Variants in CERT1 observed in about 807,000 individuals in gnomAD.
The protein encoded by CERT1 is ceramide transfer protein.
Under a neutral mutation model 87.9 loss-of-function variants are expected in CERT1, and 31 were observed. That is an observed-to-expected ratio of 0.35 (90% CI 0.27 to 0.48). The LOEUF (loss-of-function observed/expected upper bound fraction) is 0.48, where lower values mean the gene tolerates loss of function less well. CERT1 is among the 20% of genes least tolerant of loss of function. The pLI, the probability that CERT1 is intolerant of heterozygous loss-of-function variation, is 0.99. For missense variants in CERT1, 487 were observed against 758.0 expected (o/e 0.64, Z 4.20); for synonymous variants, 289 against 250.9 (o/e 1.15, Z -1.44).
At chr5:75,478,923 A>G (rs1323830528) in intron 2 of CERT1, among the ~76,000 whole-genome samples, 1 of 148,952 alleles carries the variant, frequency 6.7e-6, no homozygotes, top group Non-Finnish European at 1.5e-5. Flanking sequence ...AAAAAAAAAA[A>G]AAAAAAAAAA....
At chr5:75,440,880 T>G (rs1764293944) in intron 3 of CERT1, among the ~76,000 whole-genome samples, 1 of 152,262 alleles carries the variant, frequency 6.6e-6, no homozygotes. Context: ...CACTTGTAAT[T>G]CAGGGCTTTT....
intron 11 of CERT1, among the ~76,000 whole-genome samples, chr5:75,396,739 AAAAAAAC>A (rs1762271033): frequency 1.3e-5 from 2 of 151,642 alleles, no homozygotes; most frequent in Non-Finnish European, 2.9e-5. Context: ...CAAAAAAAAA[AAAAAAAC>A]AAAAAACAGA....
In CERT1 at chr5:75,511,320, T is replaced by G; in HGVS notation, c.-113A>C. ...GGATGGCGAAGCGAAGAGTGCCCGCTCCGGTGTGGGGGGGAGCAGGAGGAG... is the reference window on the plus strand; with the variant it reads ...GGATGGCGAAGCGAAGAGTGCCCGCGCCGGTGTGGGGGGGAGCAGGAGGAG... On this transcript the variant is annotated 5_prime_UTR_variant, in exon 1 of 17. Coordinates refer to ENST00000643780, the MANE Select transcript of CERT1 (RefSeq NM_001379029.1). 6.5e-7 allele frequency: 1 copy of G among 1,548,398 alleles called. No homozygotes were observed.
intron 3 of CERT1, among the ~76,000 whole-genome samples, chr5:75,428,677 C>CAA (rs758851060): frequency 0.023 from 2,222 of 98,200 alleles, 56 homozygotes; most frequent in African/African-American, 0.073. Flanking sequence ...GACTCTGTCT[C>CAA]AAAAAAAAAA....
chr5:75,380,264 A>G (rs1317917230), intron 16 of CERT1, among the ~76,000 whole-genome samples: 1 of 152,208 alleles, frequency 6.6e-6, no homozygotes, highest in Admixed American at 6.5e-5. Context: ...GTAACTAGCA[A>G]CTAATAAGGA....
At chr5:75,426,557 C>G (rs1036039801) in intron 3 of CERT1, 79 bp from the exon 4 acceptor site, 12 of 1,017,178 alleles carry the variant, frequency 1.2e-5, no homozygotes, top group South Asian at 2.9e-5. Context: ...TATGAATTAA[C>G]AAGGTTATTA....
chr5:75,369,988 T>C (rs1761026960), intron 17 of CERT1: 1 of 152,186 alleles, frequency 6.6e-6, no homozygotes, highest in Non-Finnish European at 1.5e-5. Flanking sequence ...GAAGATCCTA[T>C]AAAAGCAACC....
intron 11 of CERT1, among the ~76,000 whole-genome samples, chr5:75,390,655 A>T (rs1761992016): frequency 6.6e-6 from 1 of 152,230 alleles, no homozygotes; most frequent in African/African-American, 2.4e-5. Flanking sequence ...TAAATACATT[A>T]GAAGACAGAA....
chr5:75,510,596 C>T (rs1031279377), intron 1 of CERT1, among the ~76,000 whole-genome samples: 15 of 152,164 alleles, frequency 9.9e-5, no homozygotes, highest in Admixed American at 2.0e-4. Flanking sequence ...AAGTCCTCCA[C>T]ATTCATCTGT....
chr5:75,509,818 T>C (rs1479207988), intron 1 of CERT1, among the ~76,000 whole-genome samples: 1 of 152,198 alleles, frequency 6.6e-6, no homozygotes, highest in Non-Finnish European at 1.5e-5. Context: ...CTACACAATG[T>C]GTTCAATAGA....
chr5:75,504,280 A>G (rs1259649339), intron 2 of CERT1, among the ~76,000 whole-genome samples: 8 of 152,116 alleles, frequency 5.3e-5, no homozygotes, highest in African/African-American at 1.7e-4. Context: ...TACAATTTCT[A>G]AACACATTAC....
At chr5:75,391,941 GA>G (rs555156238) in intron 11 of CERT1, among the ~76,000 whole-genome samples, 14 of 152,270 alleles carry the variant, frequency 9.2e-5, no homozygotes, top group Middle Eastern at 6.8e-3. Context: ...GTGAAGAACA[GA>G]AGAATTTTAT....
In CERT1 at chr5:75,416,868, A is replaced by C; in HGVS notation, c.837+8T>G. 6.3e-7 allele frequency: 1 copy of C among 1,589,352 alleles called. No individual in the cohort carries two copies. Among genetic ancestry groups the C allele is most frequent in the Admixed American group, 1.9e-5 (1 of 53,196 alleles). On this transcript the variant is annotated splice_region_variant and intron_variant, in intron 7 of 16. Transcript: ENST00000643780. ...ATTATTTTTAAAAGGAAAAAAACCTAGTCTTACCTTATCCAGTCTCTTCTG... is the reference window on the plus strand; with the variant it reads ...ATTATTTTTAAAAGGAAAAAAACCTCGTCTTACCTTATCCAGTCTCTTCTG...
intron 5 of CERT1, among the ~76,000 whole-genome samples, chr5:75,424,955 A>T (rs1355594556): frequency 6.6e-6 from 1 of 152,040 alleles, no homozygotes; most frequent in African/African-American, 2.4e-5. Flanking sequence ...CTCTATAAAA[A>T]ATAGAAAAAT....
intron 7 of CERT1, among the ~76,000 whole-genome samples, chr5:75,412,728 A>G (rs1382926851): frequency 6.6e-6 from 1 of 152,198 alleles, no homozygotes; most frequent in Non-Finnish European, 1.5e-5. Flanking sequence ...ATATGATATA[A>G]AAGATAAAAA....
At chr5:75,501,888 C>T (rs1253009064) in intron 2 of CERT1, among the ~76,000 whole-genome samples, 1 of 152,046 alleles carries the variant, frequency 6.6e-6, no homozygotes, top group Non-Finnish European at 1.5e-5. Flanking sequence ...AATATATCTA[C>T]ATTCATATAG....
intron 2 of CERT1, among the ~76,000 whole-genome samples, chr5:75,491,791 TA>T (rs1214385840): frequency 6.6e-6 from 1 of 152,210 alleles, no homozygotes; most frequent in Non-Finnish European, 1.5e-5. Flanking sequence ...TTGTATCTTT[TA>T]GGGAGATAAC....
At position 75,409,864 on chromosome 5, in the gene CERT1, G is replaced by A. The variant is rs184034654; in HGVS notation, c.930+1147C>T. On this transcript the variant is annotated intron_variant, in intron 8 of 16. Coordinates refer to ENST00000643780, the MANE Select transcript of CERT1 (RefSeq NM_001379029.1). ...TTTTTTTTTAAAGAGACAAAGTCTCGCTCTGTCACCCAGCCTGGAGTGGAG... is the reference window on the plus strand; with the variant it reads ...TTTTTTTTTAAAGAGACAAAGTCTCACTCTGTCACCCAGCCTGGAGTGGAG... 9.0e-3 allele frequency among the ~76,000 whole-genome samples: 1,345 copies of A among 149,098 alleles called. 11 individuals carry two copies. The highest frequency in any genetic ancestry group is 0.024 in the Middle Eastern group (7 of 286).
chr5:75,443,703 TTC>T (rs1462509152), intron 3 of CERT1, among the ~76,000 whole-genome samples: 4 of 152,202 alleles, frequency 2.6e-5, no homozygotes, highest in African/African-American at 9.7e-5. Context: ...TTGTGTTAAG[TTC>T]TCTGTTTCTT....
Sources: allele counts gnomAD v4.1 joint callset (sites outside exome capture counted in the v4.1 genomes callset), GRCh38; gene constraint gnomAD v4.1.1; transcripts MANE v1.5; gene names NCBI Gene and HGNC (gene_info 2026-07-23, HGNC 2026-07-21).